FAM210A: variants seen among roughly 807,000 people sequenced by gnomAD.
FAM210A encodes the protein family with sequence similarity 210 member A.
Under a neutral mutation model 25.3 loss-of-function variants are expected in FAM210A, and 13 were observed. That is an observed-to-expected ratio of 0.51 (90% confidence interval 0.33 to 0.82). The LOEUF is 0.82. Ranked by LOEUF, FAM210A falls within the 40% of genes least tolerant of loss-of-function variation. The pLI is 0.02. For missense variants in FAM210A, 319 were observed against 323.2 expected (o/e 0.99, Z 0.10); for synonymous variants, 125 against 118.7 (o/e 1.05, Z -0.35).
intron 1 of FAM210A, among the ~76,000 whole-genome samples, chr18:13,715,816 G>A (rs1191232279): frequency 2.0e-5 from 3 of 151,972 alleles, no homozygotes; most frequent in African/African-American, 4.8e-5. Flanking sequence ...TTCCCATTTC[G>A]GCTAAATTTC....
intron 1 of FAM210A, among the ~76,000 whole-genome samples, chr18:13,716,034 G>A (rs571980911): frequency 6.6e-5 from 10 of 152,124 alleles, no homozygotes; most frequent in Non-Finnish European, 1.3e-4. Context: ...CTCAACACCC[G>A]AAGTGTAACT....
Position 13,671,857 on chromosome 18 carries a change from C to T in FAM210A, c.585+5G>A. The T allele has an allele frequency of 6.3e-7, 1 of 1,595,426 alleles. No individual in the cohort carries two copies. The highest frequency in any genetic ancestry group is 8.6e-7 in the Non-Finnish European group (1 of 1,163,276). ...GAGGAGCAATGGGTTTGTTACAGTA[C>T]CCACCTTAAACAAGGCATATGCTGT... is the stretch of plus-strand genomic sequence containing the variant. On this transcript the variant is annotated splice_donor_5th_base_variant and intron_variant, in intron 3 of 3. Coordinates refer to ENST00000651643, the MANE Select transcript of FAM210A (RefSeq NM_152352.4).
Position 13,726,529 on chromosome 18 carries a change from G to T in FAM210A, c.-229C>A, listed in dbSNP as rs1217131547. 3 of 152,326 alleles carry T rather than the reference G, an allele frequency of 2.0e-5. No homozygotes were observed. The highest frequency in any genetic ancestry group is 2.1e-4 in the South Asian group (1 of 4,868). 9.4% of individuals were successfully genotyped at this position (152,326 alleles called of 1,614,324 possible). ...CCGCGCCCACTAGCAACGTGCTCGCGACCTCCAGTGCCCGCTCAGTGAAGC... is the reference window on the plus strand; with the variant it reads ...CCGCGCCCACTAGCAACGTGCTCGCTACCTCCAGTGCCCGCTCAGTGAAGC... On this transcript the variant is annotated 5_prime_UTR_variant, in exon 1 of 4. Coordinates refer to ENST00000651643, the MANE Select transcript of FAM210A (RefSeq NM_152352.4).
intron 1 of FAM210A, among the ~76,000 whole-genome samples, chr18:13,690,254 G>A (rs900863036): frequency 6.6e-6 from 1 of 152,220 alleles, no homozygotes; most frequent in African/African-American, 2.4e-5. Context: ...AAAGCAGCAG[G>A]GAAGCTCGAA....
In FAM210A at chr18:13,681,925, A is replaced by G; in HGVS notation, c.153T>C (p.Pro51=). 6.2e-7 allele frequency: 1 copy of G among 1,614,160 alleles called. No homozygotes were observed. The highest frequency in any genetic ancestry group is 8.5e-7 in the Non-Finnish European group (1 of 1,180,018). ...CAGATAAATGCAACCATTGTTTTTGAGGGCCTTGTACCAAAACCACTTTGG... is the reference window on the plus strand; with the variant it reads ...CAGATAAATGCAACCATTGTTTTTGGGGGCCTTGTACCAAAACCACTTTGG... The part of the protein sequence containing the change: ...AESKVVLVQG[P]QKQWLHLSAA... The change falls in exon 2 of 4, where the codon CCT becomes CCC. Residue 51 remains proline (P), a synonymous_variant. Transcript: ENST00000651643.
intron 1 of FAM210A, chr18:13,687,777 ACTTT>A (rs1271203708): frequency 6.6e-6 from 1 of 152,188 alleles, no homozygotes. Flanking sequence ...TCCCAAGCAT[ACTTT>A]CTTTCTTGTT....
chr18:13,678,528 G>A (rs771499663), intron 2 of FAM210A, among the ~76,000 whole-genome samples: 4 of 152,136 alleles, frequency 2.6e-5, no homozygotes, highest in Non-Finnish European at 5.9e-5. Context: ...GACCTCAGAC[G>A]ATCCGCCTGC....
chr18:13,707,771 C>G (rs2043790260), intron 1 of FAM210A, among the ~76,000 whole-genome samples: 1 of 152,250 alleles, frequency 6.6e-6, no homozygotes, highest in African/African-American at 2.4e-5. Context: ...CTTGGCCAAT[C>G]CCAGTGGCCA....
chr18:13,685,693 C>G (rs774742484), intron 1 of FAM210A, among the ~76,000 whole-genome samples: 13 of 152,138 alleles, frequency 8.5e-5, no homozygotes, highest in Non-Finnish European at 1.5e-4. Context: ...TGACTGATGT[C>G]TTATGCCTCC....
chr18:13,719,334 A>C (rs1471878958), intron 1 of FAM210A, among the ~76,000 whole-genome samples: 1 of 152,232 alleles, frequency 6.6e-6, no homozygotes, highest in Non-Finnish European at 1.5e-5. Flanking sequence ...CGTTTAATTC[A>C]ATTTATCACG....
chr18:13,702,348 C>T (rs1429333389), intron 1 of FAM210A, among the ~76,000 whole-genome samples: 3 of 152,224 alleles, frequency 2.0e-5, no homozygotes, highest in African/African-American at 4.8e-5. Flanking sequence ...TTCCTGTATC[C>T]TTCTGTCATA....
chr18:13,676,373 T>G (rs1329116845), intron 2 of FAM210A, among the ~76,000 whole-genome samples: 3 of 134,724 alleles, frequency 2.2e-5, no homozygotes, highest in African/African-American at 7.6e-5. Context: ...TCCAGTTTCC[T>G]GATTATTAAC....
chr18:13,679,175 A>C (rs908508728), intron 2 of FAM210A, among the ~76,000 whole-genome samples: 1 of 152,376 alleles, frequency 6.6e-6, no homozygotes, highest in Middle Eastern at 3.4e-3. Flanking sequence ...AATGCGAGCT[A>C]TCAGGGTAAC....
chr18:13,689,453 C>A (rs190524443), intron 1 of FAM210A, among the ~76,000 whole-genome samples: 132 of 152,316 alleles, frequency 8.7e-4, no homozygotes, highest in Non-Finnish European at 1.4e-3. Context: ...AACACCTATT[C>A]ATGATTAAAA....
chr18:13,690,262 G>A (rs1184678156), intron 1 of FAM210A, among the ~76,000 whole-genome samples: 1 of 152,232 alleles, frequency 6.6e-6, no homozygotes, highest in Non-Finnish European at 1.5e-5. Flanking sequence ...AGGGAAGCTC[G>A]AACTGGGTGG....
At chr18:13,667,997 A>G (rs779747239) in intron 3 of FAM210A, among the ~76,000 whole-genome samples, 1 of 152,232 alleles carries the variant, frequency 6.6e-6, no homozygotes, top group Non-Finnish European at 1.5e-5. Context: ...TAGGAGTTCG[A>G]GGCTGCAGGG....
Position 13,679,467 on chromosome 18 carries a change from T to G in FAM210A, c.473+2138A>C, listed in dbSNP as rs147778106. 1.8e-3 allele frequency among the ~76,000 whole-genome samples: 272 copies of G among 152,368 alleles called. 1 individual carries two copies. Among genetic ancestry groups the G allele is most frequent in the Non-Finnish European group, 3.3e-3 (223 of 68,032 alleles). ...TTTTCTTTCATTCATGAATTTGATT[T>G]TTTTAAGCATTACTTGTGATTAAGA... On this transcript the variant is annotated intron_variant, in intron 2 of 3. Transcript: ENST00000651643.
chr18:13,683,951 C>A (rs909834202), intron 1 of FAM210A, among the ~76,000 whole-genome samples: 2 of 152,194 alleles, frequency 1.3e-5, no homozygotes, highest in African/African-American at 4.8e-5. Context: ...TATCCACCTA[C>A]AAAAATTAAT....
At chr18:13,678,127 A>C (rs951728532) in intron 2 of FAM210A, among the ~76,000 whole-genome samples, 1 of 152,186 alleles carries the variant, frequency 6.6e-6, no homozygotes, top group African/African-American at 2.4e-5. Flanking sequence ...TCTCATTAAG[A>C]TAAGGTTTAG....
Sources: allele counts gnomAD v4.1 joint callset (sites outside exome capture counted in the v4.1 genomes callset), GRCh38; gene constraint gnomAD v4.1.1; transcripts MANE v1.5; gene names NCBI Gene and HGNC (gene_info 2026-07-23, HGNC 2026-07-21).